Variants in SH3KBP1 observed in about 807,000 individuals in gnomAD.
The protein encoded by SH3KBP1 is SH3 domain containing kinase binding protein 1.
SH3KBP1 carries 8 observed loss-of-function variants against 50.1 expected under a neutral mutation model. That is an observed-to-expected ratio of 0.16 (90% confidence interval 0.09 to 0.29). The LOEUF (loss-of-function observed/expected upper bound fraction) is 0.29, where lower values mean the gene tolerates loss of function less well. SH3KBP1 is among the 10% of genes least tolerant of loss of function. The pLI is 1.00. For missense variants in SH3KBP1, 377 were observed against 535.2 expected (o/e 0.70, Z 2.92); for synonymous variants, 227 against 218.6 (o/e 1.04, Z -0.34).
chrX:19,678,888 C>G (rs2062987466), intron 6 of SH3KBP1, among the ~76,000 whole-genome samples: 1 of 111,880 alleles, frequency 8.9e-6, no homozygotes, highest in Admixed American at 9.5e-5. Context: ...CTCTCAAGAT[C>G]AAGTCCAACT....
chrX:19,682,085 A>G (rs1259871264), intron 6 of SH3KBP1, among the ~76,000 whole-genome samples: 1 of 110,208 alleles, frequency 9.1e-6, no homozygotes, highest in Non-Finnish European at 1.9e-5. Context: ...GAGATGGGGA[A>G]AGCTGTGGGT....
chrX:19,712,306 T>C (rs1037494813), intron 3 of SH3KBP1, among the ~76,000 whole-genome samples: 18 of 111,990 alleles, frequency 1.6e-4, no homozygotes, highest in Non-Finnish European at 2.4e-4. Flanking sequence ...AGGAGTCAGC[T>C]AGACAGGGCT....
At chrX:19,710,653 A>G (rs889922874) in intron 3 of SH3KBP1, among the ~76,000 whole-genome samples, 1 of 111,724 alleles carries the variant, frequency 9.0e-6, no homozygotes, top group Non-Finnish European at 1.9e-5. Context: ...TAATTTATAA[A>G]TTAATCTTTC....
intron 2 of SH3KBP1, among the ~76,000 whole-genome samples, chrX:19,798,108 G>A (rs1321124574): frequency 9.0e-6 from 1 of 110,809 alleles, no homozygotes; most frequent in Non-Finnish European, 1.9e-5. Flanking sequence ...TTTTGACACA[G>A]GGTCTCACTC....
At chrX:19,688,123 A>G (rs111395481) in intron 5 of SH3KBP1, among the ~76,000 whole-genome samples, 24 of 112,736 alleles carry the variant, frequency 2.1e-4, no homozygotes, top group African/African-American at 7.7e-4. Flanking sequence ...ATACAGATTT[A>G]GACACATTAT....
chrX:19,791,498 T>A, intron 2 of SH3KBP1, among the ~76,000 whole-genome samples: 1 of 107,692 alleles, frequency 9.3e-6, no homozygotes, highest in East Asian at 2.8e-4. Context: ...TTTTTTGTAT[T>A]TCAATATTTG....
intron 6 of SH3KBP1, among the ~76,000 whole-genome samples, chrX:19,671,306 A>T (rs1231527130): frequency 9.0e-6 from 1 of 111,154 alleles, no homozygotes; most frequent in African/African-American, 3.3e-5. Flanking sequence ...TGTATATGAC[A>T]TATCAATCAT....
chrX:19,543,455 G>T (rs1374078703), intron 15 of SH3KBP1, among the ~76,000 whole-genome samples: 7 of 111,746 alleles, frequency 6.3e-5, no homozygotes. Flanking sequence ...TTGCATGCGT[G>T]GGTGAAGGGT....
intron 2 of SH3KBP1, among the ~76,000 whole-genome samples, chrX:19,792,052 G>GT (rs2066547191): frequency 9.0e-6 from 1 of 111,470 alleles, no homozygotes; most frequent in South Asian, 3.7e-4. Flanking sequence ...TGGAAAGGGT[G>GT]TAAGTATGCA....
intron 8 of SH3KBP1, among the ~76,000 whole-genome samples, chrX:19,621,649 A>G (rs2148212471): frequency 8.9e-6 from 1 of 112,284 alleles, no homozygotes; most frequent in South Asian, 3.7e-4. Context: ...ATTATATGAC[A>G]TTCAAATCTA....
intron 1 of SH3KBP1, among the ~76,000 whole-genome samples, chrX:19,858,678 C>T (rs1011380931): frequency 4.5e-5 from 5 of 112,137 alleles, no homozygotes; most frequent in African/African-American, 1.6e-4. Flanking sequence ...TTATCTCAGT[C>T]AAGATCAAAA....
rs35356139 is a variant in SH3KBP1, at chrX:19,836,200, G to A, written c.87C>T (p.Ile29=). Residue 29 remains isoleucine, a synonymous_variant, in exon 2 of 18, where the codon ATC becomes ATT. Coordinates refer to ENST00000397821, the MANE Select transcript of SH3KBP1 (RefSeq NM_031892.3). ...TISVGEIITN[I]RKEDGGWWEG... The stretch of plus-strand genomic sequence containing the variant: ...CCCACCAGCCTCCATCCTCCTTCCT[G>A]ATGTTGGTGATGATTTCACCCACGC... 495 of 1,208,278 alleles carry A rather than the reference G, an allele frequency of 4.1e-4. No homozygotes were observed. The African/African-American group carries it at 7.5e-3, about 18-fold the overall frequency.
At chrX:19,749,515 C>T (rs1359778077) in intron 2 of SH3KBP1, among the ~76,000 whole-genome samples, 1 of 113,017 alleles carries the variant, frequency 8.8e-6, no homozygotes. Flanking sequence ...CATGCTACAA[C>T]ATGGATGAAC....
chrX:19,607,587 C>A (rs1371078316), intron 9 of SH3KBP1, among the ~76,000 whole-genome samples: 1 of 112,206 alleles, frequency 8.9e-6, no homozygotes, highest in Non-Finnish European at 1.9e-5. Context: ...TACTTTCCCA[C>A]CCCCAAGGAC....
chrX:19,573,092 G>C (rs1205132067), intron 12 of SH3KBP1, among the ~76,000 whole-genome samples: 7 of 111,713 alleles, frequency 6.3e-5, no homozygotes, highest in African/African-American at 2.3e-4. Flanking sequence ...TTATGTATTT[G>C]TACAATAAAT....
At chrX:19,559,964 A>G (rs2065619026) in intron 13 of SH3KBP1, among the ~76,000 whole-genome samples, 1 of 111,180 alleles carries the variant, frequency 9.0e-6, no homozygotes, top group South Asian at 3.8e-4. Flanking sequence ...TTAAAAGATG[A>G]ATGAGTACTT....
intron 12 of SH3KBP1, among the ~76,000 whole-genome samples, chrX:19,576,434 A>G (rs1602529476): frequency 1.8e-5 from 2 of 110,957 alleles, no homozygotes; most frequent in African/African-American, 6.6e-5. Context: ...TAGAATAAGC[A>G]CTTAAAAAAA....
intron 11 of SH3KBP1, among the ~76,000 whole-genome samples, chrX:19,591,569 T>C (rs192226996): frequency 6.3e-5 from 7 of 111,911 alleles, no homozygotes; most frequent in Non-Finnish European, 1.3e-4. Context: ...ACCAAGGACT[T>C]CTGTCTGTAA....
At chrX:19,685,953 C>T (rs1447174877) in intron 5 of SH3KBP1, among the ~76,000 whole-genome samples, 1 of 111,848 alleles carries the variant, frequency 8.9e-6, no homozygotes, top group African/African-American at 3.3e-5. Context: ...TTCTATCATT[C>T]ACCATTAGCT....
Sources: gnomAD v4.1 joint callset for allele counts (sites outside exome capture counted in the v4.1 genomes callset) on GRCh38, gnomAD v4.1.1 for gene constraint, MANE v1.5 for transcripts, NCBI Gene and HGNC (gene_info 2026-07-23, HGNC 2026-07-21) for gene names.